TTC28: variants seen among roughly 807,000 people sequenced by gnomAD.
TTC28 encodes tetratricopeptide repeat domain 28.
In TTC28, 61 loss-of-function variants were observed where a neutral mutation model predicts 198.0. The ratio of observed to expected loss-of-function variants is 0.31; its 90% confidence interval spans 0.25 to 0.38. TTC28 has a LOEUF of 0.38. Ranked by LOEUF, TTC28 falls within the 10% of genes least tolerant of loss-of-function variation. TTC28 has a pLI of 1.00. For synonymous variants in TTC28, 1,171 were observed against 1,297.8 expected, an observed-to-expected ratio of 0.90 and a Z score of 2.10; for missense variants, 2,678 against 3,164.0, an observed-to-expected ratio of 0.85 and a Z score of 3.69.
rs376252249 is a variant in TTC28, at chr22:28,401,855, T to C, written c.382-95212A>G. 9.2e-5 allele frequency among the ~76,000 whole-genome samples: 14 copies of C among 152,312 alleles called. No homozygotes were observed. The East Asian group carries it at 2.3e-3, about 25-fold the overall frequency. On this transcript the variant is annotated intron_variant, in intron 2 of 22. Coordinates refer to ENST00000397906, the MANE Select transcript of TTC28 (RefSeq NM_001145418.2). ...TAGACATAATCAATTAATTTACTGA[T>C]TGATGATGCCAGACCTAAATATTAA...
chr22:28,453,159 A>G (rs2047810349), intron 2 of TTC28, among the ~76,000 whole-genome samples: 1 of 152,212 alleles, frequency 6.6e-6, no homozygotes, highest in South Asian at 2.1e-4. Context: ...TAATGATTCT[A>G]TGAGCCACTC....
At chr22:28,055,353 A>G (rs1179101259) in intron 12 of TTC28, among the ~76,000 whole-genome samples, 1 of 152,196 alleles carries the variant, frequency 6.6e-6, no homozygotes, top group Non-Finnish European at 1.5e-5. Context: ...TACACAAATC[A>G]ATACTTCTAA....
At chr22:28,139,568 A>G (rs1286401044) in intron 6 of TTC28, among the ~76,000 whole-genome samples, 2 of 152,206 alleles carry the variant, frequency 1.3e-5, no homozygotes, top group Non-Finnish European at 2.9e-5. Flanking sequence ...TAAGGAGAGT[A>G]AACTTGATAC....
chr22:28,189,763 T>A (rs1924555001), intron 5 of TTC28, among the ~76,000 whole-genome samples: 1 of 152,102 alleles, frequency 6.6e-6, no homozygotes. Context: ...AAACTACCAA[T>A]CAAACTTGAA....
chr22:28,421,845 G>C (rs921037896), intron 2 of TTC28, among the ~76,000 whole-genome samples: 6 of 150,676 alleles, frequency 4.0e-5, no homozygotes, highest in Non-Finnish European at 7.4e-5. Flanking sequence ...TGAGGCAGGA[G>C]AATCACCTGA....
At chr22:28,631,003 CAGCT>C (rs1341902831) in intron 1 of TTC28, among the ~76,000 whole-genome samples, 1 of 152,080 alleles carries the variant, frequency 6.6e-6, no homozygotes, top group African/African-American at 2.4e-5. Context: ...CCTGTAGTCC[CAGCT>C]ACTCAAGATG....
chr22:28,029,350 C>A (rs187909765), intron 13 of TTC28, among the ~76,000 whole-genome samples: 1 of 152,302 alleles, frequency 6.6e-6, no homozygotes, highest in Admixed American at 6.5e-5. Flanking sequence ...ACAGACAGGG[C>A]GCACAATGCC....
intron 1 of TTC28, among the ~76,000 whole-genome samples, chr22:28,674,594 T>G (rs200248476): frequency 1.3e-5 from 2 of 151,098 alleles, no homozygotes; most frequent in East Asian, 1.9e-4. Flanking sequence ...TTGAGGCGGG[T>G]GGATCACTTG....
At chr22:28,564,550 T>C (rs1165763333) in intron 2 of TTC28, among the ~76,000 whole-genome samples, 1 of 151,978 alleles carries the variant, frequency 6.6e-6, no homozygotes, top group Non-Finnish European at 1.5e-5. Context: ...TTATAGATAG[T>C]TGTTATATTT....
At chr22:28,276,310 G>T (rs896874731) in intron 5 of TTC28, among the ~76,000 whole-genome samples, 1 of 152,106 alleles carries the variant, frequency 6.6e-6, no homozygotes, top group Non-Finnish European at 1.5e-5. Context: ...ACAGCGCCTG[G>T]CCCACTATTT....
intron 5 of TTC28, among the ~76,000 whole-genome samples, chr22:28,177,859 A>AG (rs1469483609): frequency 6.6e-6 from 1 of 152,214 alleles, no homozygotes; most frequent in Non-Finnish European, 1.5e-5. Context: ...GGGGGAGTGG[A>AG]GGACAGATGG....
rs1569143581 is a variant in TTC28, at chr22:28,107,971, G to T, written c.1874C>A (p.Pro625His). The change falls in exon 7 of 23, where the codon CCC (proline) becomes CAC (histidine). Residue 625 changes from proline (P) to histidine (H), a missense_variant. By Grantham distance (77) the Pro-to-His change is moderately conservative (BLOSUM62 -2). This residue lies in a region of TTC28 where 775 missense variants were observed against 845.9 expected (regional missense o/e 0.92). Coordinates refer to ENST00000397906, the MANE Select transcript of TTC28 (RefSeq NM_001145418.2). ...TTCTCCTTCCATGTCTTGAAGGTCG[G>T]GAGCAAGCCGGAGGTACTGTTCATA... ...PYYEQYLRLA[P>H]DLQDMEGEGK... The T allele has an allele frequency of 6.4e-7, 1 of 1,551,620 alleles. No individual in the cohort carries two copies. Among genetic ancestry groups the T allele is most frequent in the Non-Finnish European group, 8.7e-7 (1 of 1,146,992 alleles).
chr22:28,446,439 A>G (rs1267251140), intron 2 of TTC28, among the ~76,000 whole-genome samples: 1 of 152,122 alleles, frequency 6.6e-6, no homozygotes, highest in Non-Finnish European at 1.5e-5. Context: ...ATAATCCCCA[A>G]TGTCAGAGGT....
intron 13 of TTC28, among the ~76,000 whole-genome samples, chr22:28,023,672 T>C (rs1938704831): frequency 6.6e-6 from 1 of 152,204 alleles, no homozygotes; most frequent in Non-Finnish European, 1.5e-5. Context: ...AGACAGAATA[T>C]GCTGCCTCAG....
chr22:28,472,824 C>T (rs566139708), intron 2 of TTC28, among the ~76,000 whole-genome samples: 1 of 152,202 alleles, frequency 6.6e-6, no homozygotes, highest in African/African-American at 2.4e-5. Context: ...AATGAACACA[C>T]ACTCACATCA....
chr22:28,264,157 CT>C (rs993129669), intron 5 of TTC28, among the ~76,000 whole-genome samples: 1 of 152,086 alleles, frequency 6.6e-6, no homozygotes, highest in Non-Finnish European at 1.5e-5. Flanking sequence ...TGAGAGGTAA[CT>C]GAATCATGAG....
intron 2 of TTC28, among the ~76,000 whole-genome samples, chr22:28,501,532 T>C (rs1280782817): frequency 6.6e-6 from 1 of 152,110 alleles, no homozygotes. Flanking sequence ...TTAAAGAAGA[T>C]CTAAGTAAAG....
chr22:28,294,997 T>G (rs184881232), intron 5 of TTC28, among the ~76,000 whole-genome samples: 1 of 152,314 alleles, frequency 6.6e-6, no homozygotes, highest in Non-Finnish European at 1.5e-5. Flanking sequence ...AGGAGTCTGA[T>G]CTCTCATTTC....
rs1043651992 is a variant in TTC28, at chr22:28,300,896, T to C, written c.530-3044A>G. Among the ~76,000 whole-genome samples, 74 of 152,198 alleles carry C rather than the reference T, an allele frequency of 4.9e-4. 2 individuals are homozygous for C. The highest frequency in any genetic ancestry group is 4.8e-3 in the Admixed American group (74 of 15,278). On this transcript the variant is annotated intron_variant, in intron 3 of 22. Coordinates refer to ENST00000397906, the MANE Select transcript of TTC28 (RefSeq NM_001145418.2). ...ATAATGGGGAAAACACTGAGCTAAATACATACAGACACCTGTATTTAAAAG... is the reference window on the plus strand; with the variant it reads ...ATAATGGGGAAAACACTGAGCTAAACACATACAGACACCTGTATTTAAAAG...
Sources: allele counts gnomAD v4.1 joint callset (sites outside exome capture counted in the v4.1 genomes callset), GRCh38; gene constraint gnomAD v4.1.1; regional missense constraint gnomAD v4.1.1; transcripts MANE v1.5; gene names NCBI Gene and HGNC (gene_info 2026-07-23, HGNC 2026-07-21).